The following RXRA variants were observed in gnomAD, a reference collection of about 807,000 sequenced individuals.
RXRA encodes retinoic acid receptor RXR-alpha.
In RXRA, 5 loss-of-function variants were observed where a neutral mutation model predicts 44.5. The ratio of observed to expected loss-of-function variants is 0.11; its 90% CI spans 0.06 to 0.24. The LOEUF (loss-of-function observed/expected upper bound fraction) is 0.24, where lower values mean the gene tolerates loss of function less well. RXRA is among the 10% of genes least tolerant of loss of function. The pLI is 1.00. For synonymous variants in RXRA, 291 were observed against 271.4 expected (o/e 1.07, Z -0.71); for missense variants, 412 against 646.5 (o/e 0.64, Z 3.93).
intron 1 of RXRA, chr9:134,379,453 T>C: frequency 1.0e-6 from 1 of 987,236 alleles, no homozygotes; most frequent in African/African-American, 1.7e-5. Flanking sequence ...TGTGTCTGTG[T>C]CCGGGAAGTG....
chr9:134,405,414 G>C (rs986386604), intron 2 of RXRA: 10 of 152,336 alleles, frequency 6.6e-5, no homozygotes, highest in African/African-American at 2.4e-4. Flanking sequence ...TATCACTGAG[G>C]TCTGGGGGAG....
At chr9:134,418,147 C>T (rs1029506857) in intron 5 of RXRA, among the ~76,000 whole-genome samples, 2 of 152,178 alleles carry the variant, frequency 1.3e-5, no homozygotes, top group Non-Finnish European at 1.5e-5. Context: ...ACCTGTGCTG[C>T]TCGGGAACCA....
At chr9:134,328,956 C>T (rs922608466) in intron 1 of RXRA, among the ~76,000 whole-genome samples, 7 of 152,200 alleles carry the variant, frequency 4.6e-5, no homozygotes, top group Non-Finnish European at 8.8e-5. Flanking sequence ...AAAGCAAGGC[C>T]GAGGGACTCG....
intron 1 of RXRA, among the ~76,000 whole-genome samples, chr9:134,345,109 C>T (rs558368005): frequency 1.4e-4 from 22 of 152,198 alleles, no homozygotes; most frequent in Non-Finnish European, 2.2e-4. Context: ...TCCAGCTCAG[C>T]GACTGTGGCA....
intron 1 of RXRA, among the ~76,000 whole-genome samples, chr9:134,384,996 C>T (rs1348275267): frequency 6.6e-6 from 1 of 152,194 alleles, no homozygotes; most frequent in Admixed American, 6.5e-5. Context: ...GTTGGGCAGG[C>T]AGGAAGCTCC....
chr9:134,387,748 C>T (rs931553677), intron 1 of RXRA, among the ~76,000 whole-genome samples: 9 of 152,212 alleles, frequency 5.9e-5, no homozygotes, highest in African/African-American at 1.4e-4. Flanking sequence ...ACACTTGTCC[C>T]GGCGCCAGCC....
chr9:134,327,171 A>G (rs1747368247), intron 1 of RXRA, among the ~76,000 whole-genome samples: 1 of 151,976 alleles, frequency 6.6e-6, no homozygotes, highest in Non-Finnish European at 1.5e-5. Flanking sequence ...GGACCCTGTT[A>G]TCCCCAAAGC....
chr9:134,375,865 A>C (rs1830549169), intron 1 of RXRA, among the ~76,000 whole-genome samples: 2 of 151,920 alleles, frequency 1.3e-5, no homozygotes, highest in African/African-American at 4.8e-5. Flanking sequence ...TCCCCCAAAC[A>C]AACAACAAAC....
chr9:134,376,475 C>G (rs933651218), intron 1 of RXRA, among the ~76,000 whole-genome samples: 1 of 148,800 alleles, frequency 6.7e-6, no homozygotes, highest in Non-Finnish European at 1.5e-5. Context: ...CGTTTCTTCT[C>G]TCTCCTCCCC....
intron 1 of RXRA, among the ~76,000 whole-genome samples, chr9:134,348,796 C>CATGTG (rs6151207): frequency 5.2e-5 from 3 of 57,152 alleles, no homozygotes; most frequent in Non-Finnish European, 9.0e-5. Flanking sequence ...CAGAAGACTT[C>CATGTG]CCGGACGCTG....
chr9:134,383,176 A>G (rs1411141927), intron 1 of RXRA, among the ~76,000 whole-genome samples: 1 of 152,204 alleles, frequency 6.6e-6, no homozygotes, highest in Non-Finnish European at 1.5e-5. Context: ...AGGGGCCGAG[A>G]GCCCAGGCCG....
chr9:134,347,391 G>A (rs1467517932), intron 1 of RXRA, among the ~76,000 whole-genome samples: 2 of 152,244 alleles, frequency 1.3e-5, no homozygotes, highest in Non-Finnish European at 2.9e-5. Flanking sequence ...TTGTCTCTGC[G>A]CCCTGAGTGC....
At chr9:134,390,146 G>A (rs1830778786) in intron 1 of RXRA, among the ~76,000 whole-genome samples, 1 of 152,150 alleles carries the variant, frequency 6.6e-6, no homozygotes, top group Non-Finnish European at 1.5e-5. Context: ...CTCCTGGGTC[G>A]GCATCTCCTT....
chr9:134,405,044 G>A (rs1831026979), intron 2 of RXRA: 2 of 152,434 alleles, frequency 1.3e-5, no homozygotes, highest in Non-Finnish European at 2.9e-5. Context: ...TCTCCTGGGA[G>A]CGGGAGCAGG....
At chr9:134,358,771 A>G (rs1297759117) in intron 1 of RXRA, among the ~76,000 whole-genome samples, 3 of 152,278 alleles carry the variant, frequency 2.0e-5, no homozygotes, top group African/African-American at 4.8e-5. Context: ...TGGGGTCTCA[A>G]TGGGGTGTGC....
At chr9:134,369,561 C>G (rs1294538017) in intron 1 of RXRA, among the ~76,000 whole-genome samples, 2 of 151,710 alleles carry the variant, frequency 1.3e-5, no homozygotes, top group Non-Finnish European at 2.9e-5. Context: ...GCTGTTGTGC[C>G]TCCGGGGGCT....
rs544907293 is a variant in RXRA at position 134,353,434 on chromosome 9, C to T, written c.28+26775C>T. ...TGTGCACGGCCCCATGCATGTACACCGCACGTGTATGCACATTAAGCTGGT... is the reference window on the plus strand; with the variant it reads ...TGTGCACGGCCCCATGCATGTACACTGCACGTGTATGCACATTAAGCTGGT... On this transcript the variant is annotated intron_variant, in intron 1 of 9. Transcript: ENST00000481739. 9.2e-5 allele frequency among the ~76,000 whole-genome samples: 14 copies of T among 152,256 alleles called. No individual in the cohort carries two copies. In the East Asian group the frequency reaches 1.7e-3, roughly 19 times the overall value.
chr9:134,339,284 T>C (rs1451724532), intron 1 of RXRA, among the ~76,000 whole-genome samples: 1 of 152,252 alleles, frequency 6.6e-6, no homozygotes, highest in Non-Finnish European at 1.5e-5. Flanking sequence ...CAGGGGCGCG[T>C]CGTCCTCCCC....
chr9:134,388,801 C>T (rs1830758335), intron 1 of RXRA, among the ~76,000 whole-genome samples: 1 of 152,196 alleles, frequency 6.6e-6, no homozygotes, highest in South Asian at 2.1e-4. Flanking sequence ...AGCCAGGTGA[C>T]AGCCGGGTGC....
Sources: allele counts gnomAD v4.1 joint callset (sites outside exome capture counted in the v4.1 genomes callset), GRCh38; gene constraint gnomAD v4.1.1; transcripts MANE v1.5; gene names NCBI Gene and HGNC (gene_info 2026-07-23, HGNC 2026-07-21).